ADAMTS7: variants seen among roughly 807,000 people sequenced by gnomAD.
The protein encoded by ADAMTS7 is ADAM metallopeptidase with thrombospondin type 1 motif 7, also known as A disintegrin and metalloproteinase with thrombospondin motifs 7.
Under a neutral mutation model 172.6 loss-of-function variants are expected in ADAMTS7, and 89 were observed. The observed-to-expected ratio is 0.52, with a 90% CI of 0.43 to 0.61. The LOEUF is 0.61. ADAMTS7 is among the 20% of genes least tolerant of loss of function. ADAMTS7 has a pLI of 0.00. For synonymous variants in ADAMTS7, 885 were observed against 978.4 expected, an observed-to-expected ratio of 0.90 and a Z score of 1.78; for missense variants, 1,973 against 2,355.6, an observed-to-expected ratio of 0.84 and a Z score of 3.36.
chr15:78,785,175 C>T (rs1196719652), intron 8 of ADAMTS7, among the ~76,000 whole-genome samples: 2 of 152,076 alleles, frequency 1.3e-5, no homozygotes, highest in African/African-American at 2.4e-5. Context: ...GATTAAAAGA[C>T]ATCTTATAAA....
intron 5 of ADAMTS7, 46 bp downstream of exon 5, chr15:78,791,094 C>A (rs1185758917): frequency 5.7e-6 from 9 of 1,583,788 alleles, no homozygotes; most frequent in Non-Finnish European, 7.8e-6. Context: ...AGGGCTCTGG[C>A]AGCCGAAGCC....
chr15:78,760,942 T>C (rs4887096), intron 23 of ADAMTS7, among the ~76,000 whole-genome samples: 45,667 of 151,992 alleles, frequency 0.3, 8,111 homozygotes, highest in Non-Finnish European at 0.42. Context: ...GGCCTCAGTT[T>C]CTGTTCTCTG....
At chr15:78,787,572 G>A (rs1023101963) in intron 8 of ADAMTS7, among the ~76,000 whole-genome samples, 2 of 152,174 alleles carry the variant, frequency 1.3e-5, no homozygotes, top group African/African-American at 4.8e-5. Context: ...GCTGAGGCAG[G>A]AGAATCGCTT....
At chr15:78,792,435 A>G (rs542955306) in intron 4 of ADAMTS7, among the ~76,000 whole-genome samples, 4 of 152,264 alleles carry the variant, frequency 2.6e-5, no homozygotes, top group Admixed American at 1.3e-4. Flanking sequence ...GCAGCCTAGC[A>G]GCTCCACCAT....
chr15:78,796,734 C>G lies in ADAMTS7; in HGVS notation c.675G>C (p.Trp225Cys), dbSNP rs1216957542. The change falls in exon 4 of 24, where the codon TGG (tryptophan) becomes TGC (cysteine). Residue 225 changes from tryptophan to cysteine, a missense_variant. Physicochemically the swap from Trp to Cys is radical, Grantham distance 215. Transcript: ENST00000388820. Reference sequence around the variant, plus strand: ...GTAGACGCCTCAGCCGTGGCCGCCGCCACTGCTGCCGCTGCTCCCAACGCT... The same window carrying G: ...GTAGACGCCTCAGCCGTGGCCGCCGGCACTGCTGCCGCTGCTCCCAACGCT... The part of the protein sequence containing the change: ...RRERWEQRQQ[W>C]RRPRLRRLHQ... 10 of 1,611,958 alleles carry G rather than the reference C, an allele frequency of 6.2e-6. No individual in the cohort carries two copies. The highest frequency in any genetic ancestry group is 1.7e-5 in the Admixed American group (1 of 59,998).
At chr15:78,810,951 G>A (rs2055858283) in intron 1 of ADAMTS7, 170 bp downstream of exon 1, 2 of 730,412 alleles carry the variant, frequency 2.7e-6, no homozygotes, top group African/African-American at 1.8e-5. Context: ...CTCCCGGCCC[G>A]GCCCGACCCC....
At position 78,787,380 on chromosome 15, in the gene ADAMTS7, C is replaced by T. The variant is rs117336260; in HGVS notation, c.1322+851G>A. The stretch of plus-strand genomic sequence containing the variant: ...AAAAACAAAAAAACACCAGAACAGG[C>T]CGGGCATGGTGCACCGCTCATGCCT... On this transcript the variant is annotated intron_variant, in intron 8 of 23. Transcript: ENST00000388820. 6.5e-3 allele frequency among the ~76,000 whole-genome samples: 955 copies of T among 147,106 alleles called. 21 individuals are homozygous for T. Among genetic ancestry groups the T allele is most frequent in the East Asian group, 0.059 (292 of 4,966 alleles).
At position 78,771,390 on chromosome 15, in the gene ADAMTS7, A is replaced by G; in HGVS notation, c.2377-87T>C. On this transcript the variant is annotated intron_variant, in intron 15 of 23. Coordinates refer to ENST00000388820, the MANE Select transcript of ADAMTS7 (RefSeq NM_014272.5). The surrounding 1 kb of genome is among the most constrained non-coding windows in gnomAD (Gnocchi z 4.9). ...GGAGCTGACCCCAGCCACCTCTGTGAACTGCAGCTACAAGATTGGGCCATT... is the reference window on the plus strand; with the variant it reads ...GGAGCTGACCCCAGCCACCTCTGTGGACTGCAGCTACAAGATTGGGCCATT... 6.3e-7 allele frequency: 1 copy of G among 1,595,352 alleles called. No homozygotes were observed.
chr15:78,801,358 C>T (rs528719652), intron 1 of ADAMTS7, among the ~76,000 whole-genome samples: 2 of 152,326 alleles, frequency 1.3e-5, no homozygotes, highest in South Asian at 4.1e-4. Context: ...AGTTCCTCCA[C>T]AGGCCAGACG....
Position 78,776,823 on chromosome 15 carries a change from A to G in ADAMTS7, c.1486T>C (p.Trp496Arg), listed in dbSNP as rs1173354673. 5 of 1,548,346 alleles carry G rather than the reference A, an allele frequency of 3.2e-6. No homozygotes were observed. The African/African-American group carries it at 6.8e-5, about 21-fold the overall frequency. Residue 496 changes from tryptophan to arginine, a missense_variant, in exon 10 of 24, where the codon TGG (tryptophan) becomes CGG (arginine). Physicochemically the swap from Trp to Arg is moderately radical, Grantham distance 101. This residue lies in a region of ADAMTS7 where 526 missense variants were observed against 662.9 expected (regional missense o/e 0.79). Transcript: ENST00000388820. The part of the protein sequence containing the change: ...EDMDNVCHTL[W>R]CSVGTTCHSK... ...TGACAGGTGGTCCCCACAGAGCACC[A>G]GAGTGTGTGGCAGACATTCTGCGAG...
At chr15:78,805,366 T>A (rs1171329837) in intron 1 of ADAMTS7, among the ~76,000 whole-genome samples, 1 of 152,220 alleles carries the variant, frequency 6.6e-6, no homozygotes, top group African/African-American at 2.4e-5. Context: ...TGTACAAAAA[T>A]CTCAATTTTC....
In ADAMTS7 at chr15:78,771,737, C is replaced by T. The variant is rs746330680; in HGVS notation, c.2224G>A (p.Glu742Lys). The T allele has an allele frequency of 3.7e-6, 6 of 1,611,128 alleles. No homozygotes were observed. The African/African-American group carries it at 5.3e-5, about 14-fold the overall frequency. ...EAANFLALRSEDPEKYFLNGG... is the reference protein window; with the variant it reads ...EAANFLALRSKDPEKYFLNGG... ...TTGAGGAAGTACTTCTCCGGGTCCT[C>T]GCTCCGCAGTGCCAGGAAGTTGGCA... Residue 742 changes from glutamate to lysine, a missense_variant, in exon 15 of 24, where the codon GAG becomes AAG. Physicochemically the swap from Glu to Lys is moderately conservative, Grantham distance 56. Transcript: ENST00000388820. The surrounding 1 kb of genome is among the most constrained non-coding windows in gnomAD (Gnocchi z 4.9).
chr15:78,788,312 AT>A lies in ADAMTS7; in HGVS notation c.1240del (p.Ile414SerfsTer57), dbSNP rs2055534430. 8.7e-6 allele frequency: 14 copies of A among 1,613,594 alleles called. No individual in the cohort carries two copies. In the East Asian group the frequency reaches 3.1e-4, roughly 36 times the overall value. On this transcript the variant is annotated frameshift_variant, in exon 8 of 24. Coordinates refer to ENST00000388820, the MANE Select transcript of ADAMTS7 (RefSeq NM_014272.5). LOFTEE classifies it high-confidence loss of function. ...GTCGTACAGGAGCTGTGGAGACATG[AT>A]GAAAGGTCGTTTCCCAACGGGCTCA... Reference protein sequence around the residue: ...DCEPVGKRPFIMSPQLLYDAA... With the variant: ...DCEPVGKRPFXMSPQLLYDAA...
intron 1 of ADAMTS7, among the ~76,000 whole-genome samples, chr15:78,807,210 A>C (rs929344677): frequency 6.6e-6 from 1 of 151,988 alleles, no homozygotes; most frequent in Non-Finnish European, 1.5e-5. Flanking sequence ...GCTACATGAC[A>C]CTCTTTTAGG....
At chr15:78,790,293 T>TAC (rs199767572) in intron 6 of ADAMTS7, among the ~76,000 whole-genome samples, 66 of 151,496 alleles carry the variant, frequency 4.4e-4, no homozygotes, top group African/African-American at 1.4e-3. Context: ...AAGAACTGAA[T>TAC]ACACACACAC....
rs141851998 is a variant in ADAMTS7 at position 78,778,665 on chromosome 15, C to A, written c.1323-1077G>T. Among the ~76,000 whole-genome samples, 1,002 of 152,164 alleles carry A rather than the reference C, an allele frequency of 6.6e-3. 5 individuals are homozygous for A. The highest frequency in any genetic ancestry group is 9.1e-3 in the Non-Finnish European group (622 of 67,992). Reference sequence around the variant, plus strand: ...AAACAATGGAGGGAGGCAGGACCCGCGGGACCTGGGGCCTCTAGCCAGGCA... The same window carrying A: ...AAACAATGGAGGGAGGCAGGACCCGAGGGACCTGGGGCCTCTAGCCAGGCA... On this transcript the variant is annotated intron_variant, in intron 8 of 23. Coordinates refer to ENST00000388820, the MANE Select transcript of ADAMTS7 (RefSeq NM_014272.5).
chr15:78,792,447 G>A (rs949346833), intron 4 of ADAMTS7, among the ~76,000 whole-genome samples: 5 of 152,116 alleles, frequency 3.3e-5, no homozygotes, highest in African/African-American at 9.7e-5. Flanking sequence ...CTCCACCATC[G>A]ATCTTTGAAA....
chr15:78,771,335 A>G lies in ADAMTS7; in HGVS notation c.2377-32T>C, dbSNP rs754628384. On this transcript the variant is annotated intron_variant, in intron 15 of 23. Coordinates refer to ENST00000388820, the MANE Select transcript of ADAMTS7 (RefSeq NM_014272.5). This position sits in a 1 kb window ranked among gnomAD's most constrained non-coding sequence, Gnocchi z 4.9. ...GGGCAGGCGGGGGCCCATGAGCACA[A>G]GGTGTCTTCTCCATCCACCCAGTCC... 2 of 1,611,398 alleles carry G rather than the reference A, an allele frequency of 1.2e-6. No individual in the cohort carries two copies. The highest frequency in any genetic ancestry group is 1.3e-5 in the African/African-American group (1 of 74,876).
In ADAMTS7 at chr15:78,771,412, C is replaced by T. The variant is rs1165625061; in HGVS notation, c.2377-109G>A. ...GTGAACTGCAGCTACAAGATTGGGC[C>T]ATTTTAAAGATGGGGAAACTGAGGT... On this transcript the variant is annotated intron_variant, in intron 15 of 23. Coordinates refer to ENST00000388820, the MANE Select transcript of ADAMTS7 (RefSeq NM_014272.5). This position sits in a 1 kb window ranked among gnomAD's most constrained non-coding sequence, Gnocchi z 4.9. 6.4e-7 allele frequency: 1 copy of T among 1,571,190 alleles called. No homozygotes were observed. The highest frequency in any genetic ancestry group is 1.1e-5 in the South Asian group (1 of 87,130).
Sources: allele counts gnomAD v4.1 joint callset (sites outside exome capture counted in the v4.1 genomes callset), GRCh38; gene constraint gnomAD v4.1.1; regional missense constraint gnomAD v4.1.1; non-coding constraint Gnocchi (gnomAD v3.1); transcripts MANE v1.5; gene names NCBI Gene and HGNC (gene_info 2026-07-23, HGNC 2026-07-21).